Variants in CAMK2D observed in about 807,000 individuals in gnomAD.
CAMK2D encodes the protein calcium/calmodulin dependent protein kinase II delta, also known as calcium/calmodulin-dependent protein kinase type II subunit delta.
Under a neutral mutation model 84.0 loss-of-function variants are expected in CAMK2D, and 37 were observed. The observed-to-expected ratio is 0.44, with a 90% CI of 0.34 to 0.58. The LOEUF (loss-of-function observed/expected upper bound fraction) is 0.58. Ranked by LOEUF, CAMK2D falls within the 20% of genes least tolerant of loss-of-function variation. CAMK2D has a pLI of 0.02. For synonymous variants in CAMK2D, 202 were observed against 212.5 expected, an observed-to-expected ratio of 0.95 and a Z score of 0.43; for missense variants, 448 against 652.5, an observed-to-expected ratio of 0.69 and a Z score of 3.41.
chr4:113,544,893 C>G (rs565260993), intron 6 of CAMK2D, among the ~76,000 whole-genome samples: 1 of 152,224 alleles, frequency 6.6e-6, no homozygotes, highest in Non-Finnish European at 1.5e-5. Flanking sequence ...ATCCCACCAC[C>G]CTGACTCTTC....
At chr4:113,492,751 C>T (rs1191898516) in intron 16 of CAMK2D, among the ~76,000 whole-genome samples, 5 of 145,942 alleles carry the variant, frequency 3.4e-5, no homozygotes, top group African/African-American at 1.3e-4. Flanking sequence ...GTGTTAAAGT[C>T]TCCCATTATT....
In CAMK2D at chr4:113,509,692, A is replaced by T. The variant is rs775133262; in HGVS notation, c.947-17T>A. On this transcript the variant is annotated splice_polypyrimidine_tract_variant and intron_variant, in intron 12 of 20. Transcript: ENST00000511664. ...TCTTGGCTGCTGTAAAATGAGAGTA[A>T]AATCAGTTTAGTGAGTTATCCATAG... is the stretch of plus-strand genomic sequence containing the variant. 246 of 1,595,990 alleles carry T rather than the reference A, an allele frequency of 1.5e-4. 2 individuals are homozygous for T. Among genetic ancestry groups the T allele is most frequent in the Admixed American group, 1.3e-3 (75 of 59,958 alleles).
At chr4:113,628,398 TTAATA>T (rs1031171824) in intron 3 of CAMK2D, among the ~76,000 whole-genome samples, 5 of 152,148 alleles carry the variant, frequency 3.3e-5, no homozygotes, top group East Asian at 1.9e-4. Flanking sequence ...ATCTTTAATA[TTAATA>T]TAAGCTATAA....
At chr4:113,556,187 T>A (rs1042362825) in intron 4 of CAMK2D, among the ~76,000 whole-genome samples, 3 of 152,194 alleles carry the variant, frequency 2.0e-5, no homozygotes, top group Non-Finnish European at 2.9e-5. Context: ...AAGTAGATAC[T>A]AGTGCTATTT....
chr4:113,715,334 A>C (rs546374717), intron 2 of CAMK2D, among the ~76,000 whole-genome samples: 33 of 152,162 alleles, frequency 2.2e-4, no homozygotes, highest in African/African-American at 7.5e-4. Flanking sequence ...TCCTTAATTT[A>C]AAGGAAATGT....
At chr4:113,681,890 A>G (rs531527108) in intron 2 of CAMK2D, among the ~76,000 whole-genome samples, 1 of 151,972 alleles carries the variant, frequency 6.6e-6, no homozygotes, top group Non-Finnish European at 1.5e-5. Flanking sequence ...AGCCTTTTCC[A>G]GTTCCATTTT....
intron 14 of CAMK2D, chr4:113,503,408 T>C: frequency 2.3e-6 from 1 of 428,234 alleles, no homozygotes; most frequent in East Asian, 5.7e-5. Flanking sequence ...TTCAGTTATA[T>C]TGGTTTGAAA....
intron 5 of CAMK2D, among the ~76,000 whole-genome samples, chr4:113,549,081 C>T (rs1158690479): frequency 6.6e-6 from 1 of 152,106 alleles, no homozygotes; most frequent in African/African-American, 2.4e-5. Flanking sequence ...GAAAATTCTT[C>T]AGAGATATAA....
chr4:113,496,828 GATA>G (rs2154145666), intron 16 of CAMK2D, among the ~76,000 whole-genome samples: 1 of 151,180 alleles, frequency 6.6e-6, no homozygotes, highest in East Asian at 1.9e-4. Context: ...CATCATCAGA[GATA>G]ATATTTGGTT....
At chr4:113,530,210 A>T (rs1440722644) in intron 8 of CAMK2D, among the ~76,000 whole-genome samples, 1 of 152,248 alleles carries the variant, frequency 6.6e-6, no homozygotes, top group African/African-American at 2.4e-5. Context: ...ATTTATACAT[A>T]CATAATAAGA....
chr4:113,512,032 TAA>T, intron 12 of CAMK2D, among the ~76,000 whole-genome samples: 1 of 152,266 alleles, frequency 6.6e-6, no homozygotes, highest in Non-Finnish European at 1.5e-5. Flanking sequence ...GAAAACAAAA[TAA>T]AGAATTGAAA....
At chr4:113,523,920 G>A (rs527408640) in intron 8 of CAMK2D, among the ~76,000 whole-genome samples, 2 of 151,978 alleles carry the variant, frequency 1.3e-5, no homozygotes, top group African/African-American at 2.4e-5. Flanking sequence ...CTGAAGTGCA[G>A]TGGCATGAAC....
At chr4:113,679,991 A>C (rs2099336279) in intron 2 of CAMK2D, among the ~76,000 whole-genome samples, 2 of 152,186 alleles carry the variant, frequency 1.3e-5, no homozygotes, top group Admixed American at 6.5e-5. Context: ...AGTATATGAA[A>C]CAAGCCCATT....
intron 2 of CAMK2D, among the ~76,000 whole-genome samples, chr4:113,709,781 A>ATATATATATATATATG (rs1491185734): frequency 8.0e-6 from 1 of 125,322 alleles, no homozygotes; most frequent in African/African-American, 3.2e-5. Context: ...ATATATATAT[A>ATATATATATATATATG]TGAGAGACTT....
chr4:113,639,174 T>G (rs1360788046), intron 3 of CAMK2D, among the ~76,000 whole-genome samples: 2 of 151,454 alleles, frequency 1.3e-5, no homozygotes, highest in Admixed American at 1.3e-4. Context: ...CCCATGAATT[T>G]GAGGCTACAC....
intron 2 of CAMK2D, among the ~76,000 whole-genome samples, chr4:113,689,195 G>A (rs2099373974): frequency 6.6e-6 from 1 of 152,110 alleles, no homozygotes; most frequent in Admixed American, 6.5e-5. Flanking sequence ...GCAGTGAGCT[G>A]AGATTGTGCC....
chr4:113,562,564 T>C (rs959870030), intron 4 of CAMK2D, among the ~76,000 whole-genome samples: 2 of 152,236 alleles, frequency 1.3e-5, no homozygotes, highest in African/African-American at 4.8e-5. Context: ...TGCATGCTTT[T>C]TTCTTTTTCA....
intron 2 of CAMK2D, chr4:113,754,262 G>T (rs566456658): frequency 1.0e-6 from 1 of 976,344 alleles, no homozygotes; most frequent in East Asian, 1.1e-4. Context: ...CTAATAAATG[G>T]GGAAGACTGA....
intron 3 of CAMK2D, among the ~76,000 whole-genome samples, chr4:113,639,470 T>C (rs1201147118): frequency 6.6e-6 from 1 of 152,118 alleles, no homozygotes; most frequent in African/African-American, 2.4e-5. Flanking sequence ...GAGCCACTAC[T>C]AGCCTGCATA....
Sources: allele counts gnomAD v4.1 joint callset (sites outside exome capture counted in the v4.1 genomes callset), GRCh38; gene constraint gnomAD v4.1.1; transcripts MANE v1.5; gene names NCBI Gene and HGNC (gene_info 2026-07-23, HGNC 2026-07-21).